The following SLC38A6 variants were observed in gnomAD, a reference collection of about 807,000 sequenced individuals.
SLC38A6 encodes the protein N system amino acid transporter NAT-1.
A neutral mutation model predicts 65.0 loss-of-function variants in SLC38A6; 73 were observed. The ratio of observed to expected loss-of-function variants is 1.12; its 90% CI spans 0.93 to 1.37. The LOEUF (loss-of-function observed/expected upper bound fraction) is 1.37, where lower values mean the gene tolerates loss of function less well. SLC38A6 is among the 40% of genes most tolerant of loss of function. The pLI, the probability that SLC38A6 is intolerant of heterozygous loss-of-function variation, is 0.00. For missense variants in SLC38A6, 561 were observed against 531.1 expected (o/e 1.06, Z -0.55); for synonymous variants, 183 against 178.8 (o/e 1.02, Z -0.19).
chr14:61,081,343 C>G (rs1395533314), intron 16 of SLC38A6, among the ~76,000 whole-genome samples: 1 of 97,348 alleles, frequency 1.0e-5, no homozygotes, highest in African/African-American at 3.1e-5. Context: ...CTTGAACTGT[C>G]CTTTTGCTCA....
At chr14:61,062,926 G>T (rs960393737) in intron 15 of SLC38A6, among the ~76,000 whole-genome samples, 3 of 152,122 alleles carry the variant, frequency 2.0e-5, no homozygotes, top group Admixed American at 6.5e-5. Context: ...TGATCTGCCC[G>T]CCTCAGCCTC....
At chr14:61,021,336 A>G (rs1049137266) in intron 5 of SLC38A6, among the ~76,000 whole-genome samples, 1 of 152,232 alleles carries the variant, frequency 6.6e-6, no homozygotes, top group African/African-American at 2.4e-5. Flanking sequence ...AAGACTGAAC[A>G]TGAAATATAA....
At chr14:60,997,380 A>C (rs1397199716) in intron 3 of SLC38A6, among the ~76,000 whole-genome samples, 1 of 152,026 alleles carries the variant, frequency 6.6e-6, no homozygotes, top group Non-Finnish European at 1.5e-5. Flanking sequence ...TGAAACTCCT[A>C]AGCTCCAGCG....
intron 16 of SLC38A6, among the ~76,000 whole-genome samples, chr14:61,079,304 T>G (rs1379603555): frequency 6.6e-6 from 1 of 151,800 alleles, no homozygotes; most frequent in African/African-American, 2.4e-5. Context: ...ACCTAGCTAA[T>G]TTTTCTATTT....
intron 3 of SLC38A6, among the ~76,000 whole-genome samples, chr14:60,996,723 A>G (rs1038107922): frequency 1.3e-5 from 2 of 152,194 alleles, no homozygotes; most frequent in African/African-American, 4.8e-5. Flanking sequence ...AATATTCTAA[A>G]AGCTTACAGA....
At chr14:61,051,708 T>C in intron 13 of SLC38A6, 79 bp from the exon 14 acceptor site, 1 of 1,513,660 alleles carries the variant, frequency 6.6e-7, no homozygotes, top group Non-Finnish European at 9.0e-7. Context: ...ATATCATGGT[T>C]GTTGTATATG....
At chr14:61,053,842 GT>G, downstream of SLC38A6, among the ~76,000 whole-genome samples, 1 of 151,164 alleles carries the variant, frequency 6.6e-6, no homozygotes, top group Non-Finnish European at 1.5e-5. Flanking sequence ...AGGCTGTTTG[GT>G]TTTTTTTGCT....
At chr14:60,999,658 G>A (rs2038562647) in intron 3 of SLC38A6, among the ~76,000 whole-genome samples, 2 of 152,170 alleles carry the variant, frequency 1.3e-5, no homozygotes, top group South Asian at 2.1e-4. Context: ...TGTTGAGATG[G>A]AGAGATTATC....
chr14:61,037,676 C>T lies in SLC38A6; in HGVS notation c.617C>T (p.Ala206Val), dbSNP rs560909332. Residue 206 changes from alanine to valine, a missense_variant, in exon 8 of 16, where the codon GCT becomes GTT. By Grantham distance (64) the Ala-to-Val change is moderately conservative. Transcript: ENST00000267488. ...TCATTTTTCTTTATGATGTTCTTTG[C>T]TCTTGTGGTAAGTTTAAAATATAAT... ...SLSFFFMMFF[A>V]LVVIIKKWSI... The T allele has an allele frequency of 5.9e-5, 94 of 1,586,624 alleles. 3 individuals carry two copies. The South Asian group carries it at 8.8e-4, about 15-fold the overall frequency.
In SLC38A6 at chr14:61,013,792, A is replaced by AC. The variant is rs541830335; in HGVS notation, c.311-2111dup. Among the ~76,000 whole-genome samples, 538 of 152,208 alleles carry AC rather than the reference A, an allele frequency of 3.5e-3. 7 individuals carry two copies. Among genetic ancestry groups the AC allele is most frequent in the African/African-American group, 0.012 (512 of 41,542 alleles). ...TGGGCTTCCCATTGTGGGTAACCCGACTTTCTCTCTGGCTGCCCTTAACAT... is the reference window on the plus strand; with the variant it reads ...TGGGCTTCCCATTGTGGGTAACCCGACCTTTCTCTCTGGCTGCCCTTAACAT... On this transcript the variant is annotated intron_variant, in intron 3 of 15. Transcript: ENST00000267488.
rs141415779 is a variant in SLC38A6 at position 60,981,303 on chromosome 14, A to C, written c.26A>C (p.Asn9Thr). The C allele has an allele frequency of 1.2e-6, 2 of 1,609,626 alleles. No homozygotes were observed. Among genetic ancestry groups the C allele is most frequent in the Non-Finnish European group, 1.7e-6 (2 of 1,178,260 alleles). The stretch of plus-strand genomic sequence containing the variant: ...ATGGAGGCGTCCTGGGGGAGCTTCA[A>C]CGCTGAGCGGGGCTGGTATGTCTCT... MEASWGSF[N>T]AERGWYVSVQ... is the part of the protein sequence containing the mutation. Residue 9 changes from asparagine (N) to threonine (T), a missense_variant, in exon 1 of 16, where the codon AAC becomes ACC. Transcript: ENST00000267488.
At chr14:61,041,992 A>T (rs937133227) in intron 8 of SLC38A6, among the ~76,000 whole-genome samples, 3 of 151,838 alleles carry the variant, frequency 2.0e-5, no homozygotes, top group Admixed American at 1.3e-4. Flanking sequence ...TTCTTTGAAA[A>T]CCTATAAAGA....
At chr14:61,064,665 C>A (rs2042966973) in intron 15 of SLC38A6, among the ~76,000 whole-genome samples, 1 of 148,828 alleles carries the variant, frequency 6.7e-6, no homozygotes, top group Non-Finnish European at 1.5e-5. Flanking sequence ...CCAAGATTAC[C>A]AAAAAAAACC....
At position 61,019,547 on chromosome 14, in the gene SLC38A6, G is replaced by A. The variant is rs201162425; in HGVS notation, c.370G>A (p.Val124Met). Residue 124 changes from valine (V) to methionine (M), a missense_variant, in exon 5 of 16, where the codon GTG (valine) becomes ATG (methionine). By Grantham distance (21) the Val-to-Met change is conservative. Transcript: ENST00000267488. ...FAFGLPGKLVVAGTIIIQNIG... is the reference protein window; with the variant it reads ...FAFGLPGKLVMAGTIIIQNIG... ...TATTTCTGTTCTTTTACAGTTGGTG[G>A]TGGCAGGCACCATAATAATTCAGAA... 1 of 1,613,120 alleles carries A rather than the reference G, an allele frequency of 6.2e-7. No homozygotes were observed.
At chr14:61,000,211 G>C (rs566995595) in intron 3 of SLC38A6, among the ~76,000 whole-genome samples, 11 of 152,310 alleles carry the variant, frequency 7.2e-5, no homozygotes, top group Non-Finnish European at 7.3e-5. Flanking sequence ...TTGACACACA[G>C]AGAGTATTTA....
chr14:61,050,552 C>T lies in SLC38A6; in HGVS notation c.966C>T (p.Tyr322=). Residue 322 remains tyrosine, a synonymous_variant, in exon 13 of 16, where the codon TAC becomes TAT. Transcript: ENST00000267488. ...ESELLKGYSK[Y]LSHDVVVMTV... is the part of the protein sequence containing the mutation. Reference sequence around the variant, plus strand: ...AATTACTAAAAGGTTATAGTAAATACTTATCACATGATGTTGTTGTCATGA... The same window carrying T: ...AATTACTAAAAGGTTATAGTAAATATTTATCACATGATGTTGTTGTCATGA... 3 of 1,585,732 alleles carry T rather than the reference C, an allele frequency of 1.9e-6. No individual in the cohort carries two copies. Among genetic ancestry groups the T allele is most frequent in the Non-Finnish European group, 2.6e-6 (3 of 1,159,334 alleles).
intron 3 of SLC38A6, among the ~76,000 whole-genome samples, chr14:61,012,036 T>C (rs1183022190): frequency 6.6e-6 from 1 of 152,244 alleles, no homozygotes; most frequent in Non-Finnish European, 1.5e-5. Context: ...GTTGGTAGGC[T>C]ATTAATTATT....
chr14:61,071,743 A>C (rs1161252787), intron 15 of SLC38A6, among the ~76,000 whole-genome samples: 1 of 152,120 alleles, frequency 6.6e-6, no homozygotes, highest in Non-Finnish European at 1.5e-5. Flanking sequence ...CTATGTAGGA[A>C]TTACCCTTTC....
At chr14:60,999,679 C>G (rs1206179013) in intron 3 of SLC38A6, among the ~76,000 whole-genome samples, 1 of 152,168 alleles carries the variant, frequency 6.6e-6, no homozygotes, top group East Asian at 1.9e-4. Context: ...CTGGTGGACT[C>G]TAAATTCAGT....
Sources: allele counts gnomAD v4.1 joint callset (sites outside exome capture counted in the v4.1 genomes callset), GRCh38; gene constraint gnomAD v4.1.1; transcripts MANE v1.5; gene names NCBI Gene and HGNC (gene_info 2026-07-23, HGNC 2026-07-21).